Variants in WWP1 observed in about 807,000 individuals in gnomAD.
WWP1 encodes NEDD4-like E3 ubiquitin-protein ligase WWP1.
Under a neutral mutation model 130.6 loss-of-function variants are expected in WWP1, and 49 were observed. The observed-to-expected ratio is 0.38, with a 90% CI of 0.30 to 0.48. The LOEUF is 0.48. WWP1 is among the 20% of genes least tolerant of loss of function. The probability of loss-of-function intolerance (pLI) is 0.99; values close to 1 mark genes in which losing one functional copy is unlikely to be tolerated. For synonymous variants in WWP1, 332 were observed against 367.8 expected, an observed-to-expected ratio of 0.90 and a Z score of 1.11; for missense variants, 809 against 1,100.6, an observed-to-expected ratio of 0.74 and a Z score of 3.75.
intron 1 of WWP1, among the ~76,000 whole-genome samples, chr8:86,344,160 A>G (rs371852452): frequency 6.6e-6 from 1 of 152,320 alleles, no homozygotes; most frequent in African/African-American, 2.4e-5. Context: ...TAGTATTTTA[A>G]AAAATGGAAA....
chr8:86,466,670 G>T, intron 24 of WWP1, 124 bp from the exon 25 acceptor site: 1 of 497,702 alleles, frequency 2.0e-6, no homozygotes. Context: ...AATACTTCTG[G>T]CAAAATTTTA....
chr8:86,422,765 G>A (rs1347624489), intron 9 of WWP1, among the ~76,000 whole-genome samples: 2 of 152,056 alleles, frequency 1.3e-5, no homozygotes, highest in Admixed American at 6.6e-5. Context: ...AAATGAGAAT[G>A]GGAGAAACAA....
In WWP1 at chr8:86,467,087, G is replaced by A. The variant is rs1215531678; in HGVS notation, c.*194G>A. On this transcript the variant is annotated 3_prime_UTR_variant, in exon 25 of 25. Coordinates refer to ENST00000517970, the MANE Select transcript of WWP1 (RefSeq NM_007013.4). ...ACTTTATTTATTGTTCCCTTGAAAT[G>A]ACTGACCAGGAAAAAGATCATCCTT... 2 of 457,164 alleles carry A rather than the reference G, an allele frequency of 4.4e-6. No individual in the cohort carries two copies. Among genetic ancestry groups the A allele is most frequent in the Non-Finnish European group, 7.6e-6 (2 of 261,574 alleles). 28.3% of individuals were successfully genotyped at this position (457,164 alleles called of 1,614,324 possible). A position where few individuals can be genotyped will look rare whatever the true frequency, so the allele number is the denominator to read the frequency against.
At chr8:86,442,836 GC>G (rs1810661266) in intron 18 of WWP1, 58 bp downstream of exon 18, 3 of 1,396,982 alleles carry the variant, frequency 2.1e-6, no homozygotes, top group Non-Finnish European at 2.8e-6. Flanking sequence ...ATTAGAGAAG[GC>G]TTTTAAAAAA....
chr8:86,443,149 T>C (rs1449139204), intron 18 of WWP1, among the ~76,000 whole-genome samples: 1 of 152,100 alleles, frequency 6.6e-6, no homozygotes, highest in African/African-American at 2.4e-5. Flanking sequence ...CTCAGCTAAC[T>C]GCAACCTCCA....
intron 8 of WWP1, among the ~76,000 whole-genome samples, chr8:86,409,467 C>T (rs1228065304): frequency 2.0e-5 from 3 of 149,830 alleles, no homozygotes; most frequent in Non-Finnish European, 3.0e-5. Context: ...AACTCCTGAC[C>T]TCGTGATCCA....
Position 86,461,862 on chromosome 8 carries a change from C to G in WWP1, c.2669+16C>G, listed in dbSNP as rs554332455. On this transcript the variant is annotated intron_variant, in intron 24 of 24. Coordinates refer to ENST00000517970, the MANE Select transcript of WWP1 (RefSeq NM_007013.4). ...GCCATACATGGTAAGTTCAAGAATCCTAAATACGAAGGTGAAAGCCACAGA... is the reference window on the plus strand; with the variant it reads ...GCCATACATGGTAAGTTCAAGAATCGTAAATACGAAGGTGAAAGCCACAGA... 4.1e-5 allele frequency: 65 copies of G among 1,598,452 alleles called. No homozygotes were observed. In the South Asian group the frequency reaches 7.2e-4, roughly 18 times the overall value.
chr8:86,422,867 G>T (rs929850492), intron 9 of WWP1, among the ~76,000 whole-genome samples: 2 of 152,000 alleles, frequency 1.3e-5, no homozygotes, highest in African/African-American at 2.4e-5. Context: ...CCAAAATTAG[G>T]ATAGATATGC....
Position 86,398,578 on chromosome 8 carries a change from T to G in WWP1, c.479T>G (p.Ile160Arg), listed in dbSNP as rs1320414127. ...TTTCTTTCTTGTTGTTCAGTAGAAA[T>G]ACAGGAAAATGGTGATGCCTTACAT... is the stretch of plus-strand genomic sequence containing the variant. ...TNCSSSPTIE[I>R]QENGDALHEN... The change falls in exon 7 of 25, where the codon ATA becomes AGA. Residue 160 changes from isoleucine to arginine, a missense_variant. By Grantham distance (97) the Ile-to-Arg change is moderately conservative. This residue lies in a region of WWP1 where 262 missense variants were observed against 346.0 expected (regional missense o/e 0.76). Transcript: ENST00000517970. 1 of 1,613,122 alleles carries G rather than the reference T, an allele frequency of 6.2e-7. No homozygotes were observed. The highest frequency in any genetic ancestry group is 8.5e-7 in the Non-Finnish European group (1 of 1,179,754).
chr8:86,433,477 G>T (rs2130688592), intron 14 of WWP1, among the ~76,000 whole-genome samples: 1 of 151,938 alleles, frequency 6.6e-6, no homozygotes, highest in African/African-American at 2.4e-5. Context: ...ACTCTGGGAG[G>T]TTGAGGCGGG....
chr8:86,449,359 G>A (rs930944579), intron 20 of WWP1, among the ~76,000 whole-genome samples: 3 of 152,174 alleles, frequency 2.0e-5, no homozygotes, highest in African/African-American at 7.2e-5. Context: ...AGGCTTACAG[G>A]CACATTTCTT....
intron 5 of WWP1, among the ~76,000 whole-genome samples, chr8:86,394,066 A>G (rs575421984): frequency 6.6e-6 from 1 of 152,380 alleles, no homozygotes; most frequent in African/African-American, 2.4e-5. Context: ...GTTCTCGGCA[A>G]TAATGAGTGA....
chr8:86,440,618 T>C, intron 17 of WWP1: 1 of 442,894 alleles, frequency 2.3e-6, no homozygotes, highest in South Asian at 1.6e-5. Flanking sequence ...TTTTGTATCT[T>C]TTTTTAGGAA....
rs888533741 is a variant in WWP1, at chr8:86,467,822, A to C, written c.*929A>C. ...TTTTGGTTTTTATGAAGCCAGATGG[A>C]TTGAAGAGTTACATAAGCATTTGAA... On this transcript the variant is annotated 3_prime_UTR_variant, in exon 25 of 25. Transcript: ENST00000517970. 2.0e-5 allele frequency: 3 copies of C among 152,194 alleles called. No individual in the cohort carries two copies. The highest frequency in any genetic ancestry group is 2.9e-5 in the Non-Finnish European group (2 of 68,036). The allele number at this position is 152,194 out of a possible 1,614,324, so 9.4% of individuals were successfully genotyped here.
At chr8:86,361,578 CT>C (rs777905305) in intron 1 of WWP1, among the ~76,000 whole-genome samples, 6 of 152,122 alleles carry the variant, frequency 3.9e-5, no homozygotes, top group Non-Finnish European at 8.8e-5. Context: ...TCCCCATACC[CT>C]TCCTAACAGA....
At chr8:86,346,663 T>G (rs1336645822) in intron 1 of WWP1, among the ~76,000 whole-genome samples, 1 of 152,202 alleles carries the variant, frequency 6.6e-6, no homozygotes, top group Non-Finnish European at 1.5e-5. Flanking sequence ...TAGCATGTTA[T>G]TACATGTTAA....
chr8:86,380,866 TA>T lies in WWP1; in HGVS notation c.209+4del. The T allele has an allele frequency of 3.1e-6, 5 of 1,597,558 alleles. No homozygotes were observed. Among genetic ancestry groups the T allele is most frequent in the Non-Finnish European group, 4.3e-6 (5 of 1,174,152 alleles). Reference sequence around the variant, plus strand: ...AAAATGGGATGAACAGCTAACTGTGTAAGTACCTTGTGTAAAGGACGGAAAA... The same window carrying T: ...AAAATGGGATGAACAGCTAACTGTGTAGTACCTTGTGTAAAGGACGGAAAA... On this transcript the variant is annotated splice_donor_region_variant and intron_variant, in intron 4 of 24. Transcript: ENST00000517970.
intron 8 of WWP1, among the ~76,000 whole-genome samples, chr8:86,409,232 T>C (rs1808448436): frequency 2.9e-5 from 4 of 139,782 alleles, no homozygotes; most frequent in South Asian, 2.3e-4. Flanking sequence ...CTTTCTTTTT[T>C]TTTTTTTTTT....
Position 86,402,084 on chromosome 8 carries a change from C to CA in WWP1, c.606dup (p.Cys203MetfsTer7). On this transcript the variant is annotated frameshift_variant, in exon 8 of 25. Coordinates refer to ENST00000517970, the MANE Select transcript of WWP1 (RefSeq NM_007013.4). LOFTEE classifies it high-confidence loss of function. The stretch of plus-strand genomic sequence containing the variant: ...CCTACAAGCACTCTAGTCCAAAACT[C>CA]ATGCTGCTCGTATGTAGTTAATGGA... The CA allele has an allele frequency of 6.2e-7, 1 of 1,613,914 alleles. No individual in the cohort carries two copies. The highest frequency in any genetic ancestry group is 8.5e-7 in the Non-Finnish European group (1 of 1,179,942).
Sources: gnomAD v4.1 joint callset for allele counts (sites outside exome capture counted in the v4.1 genomes callset) on GRCh38, gnomAD v4.1.1 for gene constraint, gnomAD v4.1.1 regional missense constraint, MANE v1.5 for transcripts, NCBI Gene and HGNC (gene_info 2026-07-23, HGNC 2026-07-21) for gene names.